CDH7: variants seen among roughly 807,000 people sequenced by gnomAD.
CDH7 encodes the protein cadherin-7.
CDH7 carries 25 observed loss-of-function variants against 71.8 expected under a neutral mutation model. The observed-to-expected ratio is 0.35, with a 90% CI of 0.25 to 0.49. The LOEUF is 0.49. Ranked by LOEUF, CDH7 falls within the 20% of genes least tolerant of loss-of-function variation. The pLI is 0.99. For synonymous variants in CDH7, 381 were observed against 363.8 expected, an observed-to-expected ratio of 1.05 and a Z score of -0.54; for missense variants, 862 against 974.6, an observed-to-expected ratio of 0.88 and a Z score of 1.54.
chr18:65,808,569 C>T (rs1333434128), intron 2 of CDH7, among the ~76,000 whole-genome samples: 1 of 152,104 alleles, frequency 6.6e-6, no homozygotes, highest in Non-Finnish European at 1.5e-5. Flanking sequence ...TAAACATGGC[C>T]GTTACAGTGC....
At chr18:65,788,596 A>G (rs1192499456) in intron 2 of CDH7, among the ~76,000 whole-genome samples, 1 of 152,138 alleles carries the variant, frequency 6.6e-6, no homozygotes, top group Non-Finnish European at 1.5e-5. Context: ...TGCTCAACTA[A>G]TGCATTTGCT....
chr18:65,804,731 TGA>T (rs145972232), intron 2 of CDH7, among the ~76,000 whole-genome samples: 6,079 of 151,956 alleles, frequency 0.04, 151 homozygotes, highest in South Asian at 0.1. Flanking sequence ...TGTGTATTTA[TGA>T]GAGAGAGAAA....
intron 6 of CDH7, among the ~76,000 whole-genome samples, chr18:65,827,195 AAAATT>A (rs1435482067): frequency 2.0e-5 from 3 of 151,838 alleles, no homozygotes; most frequent in African/African-American, 7.2e-5. Flanking sequence ...GTTAGCAACT[AAAATT>A]AAATTTTATT....
intron 2 of CDH7, among the ~76,000 whole-genome samples, chr18:65,789,483 TTG>T (rs1491071722): frequency 6.8e-6 from 1 of 148,042 alleles, no homozygotes; most frequent in Non-Finnish European, 1.5e-5. Flanking sequence ...TTGTTTTTTT[TTG>T]TTTGTTTTTT....
intron 2 of CDH7, among the ~76,000 whole-genome samples, chr18:65,776,003 G>T (rs1909927051): frequency 6.6e-6 from 1 of 152,108 alleles, no homozygotes; most frequent in Non-Finnish European, 1.5e-5. Context: ...AGTTATTTCT[G>T]ATGGAAAGAG....
rs141450577 is a variant in CDH7, at chr18:65,762,968, G to T, written c.126G>T (p.Arg42Ser). The change falls in exon 2 of 12, where the codon AGG becomes AGT. Residue 42 changes from arginine (R) to serine (S), a missense_variant. Physicochemically the swap from Arg to Ser is moderately radical, Grantham distance 110 (BLOSUM62 -1). Transcript: ENST00000397968. ...CAAAGCCCTATTTCCAATCAGGGAG[G>T]TCCCGGACCAAGCGCAGCTGGGTGT... ...SRSKPYFQSG[R>S]SRTKRSWVWN... 1 of 1,613,694 alleles carries T rather than the reference G, an allele frequency of 6.2e-7. No individual in the cohort carries two copies.
intron 2 of CDH7, among the ~76,000 whole-genome samples, chr18:65,768,296 C>T (rs962304511): frequency 6.6e-6 from 1 of 151,582 alleles, no homozygotes; most frequent in African/African-American, 2.4e-5. Context: ...CACGTAGTGA[C>T]GCAATCTCAG....
intron 4 of CDH7, among the ~76,000 whole-genome samples, chr18:65,818,347 T>C (rs961393093): frequency 1.3e-5 from 2 of 152,222 alleles, no homozygotes; most frequent in Non-Finnish European, 2.9e-5. Flanking sequence ...CAGGAGCTCT[T>C]CAAGGGAAAG....
At chr18:65,812,004 C>T (rs1313488443) in intron 3 of CDH7, among the ~76,000 whole-genome samples, 1 of 126,432 alleles carries the variant, frequency 7.9e-6, no homozygotes, top group Non-Finnish European at 1.6e-5. Context: ...GAGTCTCACT[C>T]TGTTGACAGG....
At chr18:65,868,211 C>A (rs2017885) in intron 11 of CDH7, among the ~76,000 whole-genome samples, 1 of 152,130 alleles carries the variant, frequency 6.6e-6, no homozygotes, top group South Asian at 2.1e-4. Flanking sequence ...CTCTTTCAAA[C>A]AAGCATGAGC....
rs1190975107 is a variant in CDH7 at position 65,889,752 on chromosome 18, T to C, written c.*8858T>C. On this transcript the variant is annotated 3_prime_UTR_variant, in exon 12 of 12. Coordinates refer to ENST00000397968, the MANE Select transcript of CDH7 (RefSeq NM_004361.5). ...AGATTGTATATACTATATTAGACAC[T>C]GTGCAAGAAGGAACTTGTGAAGCTA... The C allele has an allele frequency of 1.3e-5, 2 of 152,156 alleles. No individual in the cohort carries two copies. Among genetic ancestry groups the C allele is most frequent in the African/African-American group, 2.4e-5 (1 of 41,428 alleles). The allele number at this position is 152,156 out of a possible 1,614,324, so 9.4% of individuals were successfully genotyped here.
Position 65,880,995 on chromosome 18 carries a change from C to A in CDH7, c.*101C>A. The A allele has an allele frequency of 8.8e-7, 1 of 1,139,020 alleles. No homozygotes were observed. The highest frequency in any genetic ancestry group is 1.2e-6 in the Non-Finnish European group (1 of 825,022). The allele number at this position is 1,139,020 out of a possible 1,614,324, so 70.6% of individuals were successfully genotyped here. A position where few individuals can be genotyped will look rare whatever the true frequency, so the allele number is the denominator to read the frequency against. On this transcript the variant is annotated 3_prime_UTR_variant, in exon 12 of 12. Coordinates refer to ENST00000397968, the MANE Select transcript of CDH7 (RefSeq NM_004361.5). Reference sequence around the variant, plus strand: ...AACCACTACATACAGAAAACAAGAACTCCCCTTGCTGGAGACAGATGGTTG... The same window carrying A: ...AACCACTACATACAGAAAACAAGAAATCCCCTTGCTGGAGACAGATGGTTG...
upstream of CDH7, chr18:65,750,315 T>C (rs1182153808): frequency 2.0e-5 from 3 of 151,928 alleles, no homozygotes; most frequent in Non-Finnish European, 4.4e-5. Context: ...AAGTTCTGAT[T>C]AGTTTTATGA....
In CDH7 at chr18:65,889,742, T is replaced by C. The variant is rs1914458432; in HGVS notation, c.*8848T>C. The C allele has an allele frequency of 6.6e-6, 1 of 152,220 alleles. No homozygotes were observed. Among genetic ancestry groups the C allele is most frequent in the African/African-American group, 2.4e-5 (1 of 41,462 alleles). The allele number at this position is 152,220 out of a possible 1,614,324, so 9.4% of individuals were successfully genotyped here. ...AGTACTATGGAGATTGTATATACTA[T>C]ATTAGACACTGTGCAAGAAGGAACT... On this transcript the variant is annotated 3_prime_UTR_variant, in exon 12 of 12. Transcript: ENST00000397968.
chr18:65,881,580 T>A lies in CDH7; in HGVS notation c.*686T>A, dbSNP rs1311918116. 2.0e-5 allele frequency: 3 copies of A among 152,140 alleles called. No homozygotes were observed. Among genetic ancestry groups the A allele is most frequent in the African/African-American group, 7.2e-5 (3 of 41,426 alleles). 9.4% of individuals were successfully genotyped at this position (152,140 alleles called of 1,614,324 possible). A position where few individuals can be genotyped will look rare whatever the true frequency, so the allele number is the denominator to read the frequency against. On this transcript the variant is annotated 3_prime_UTR_variant, in exon 12 of 12. Coordinates refer to ENST00000397968, the MANE Select transcript of CDH7 (RefSeq NM_004361.5). ...AAGAAAAAGGTAAATAATTTGATAG[T>A]TTTGAGATGCTTGTGTAGGTATGAT...
At chr18:65,839,837 C>T (rs1912663803) in intron 6 of CDH7, among the ~76,000 whole-genome samples, 1 of 152,098 alleles carries the variant, frequency 6.6e-6, no homozygotes, top group Non-Finnish European at 1.5e-5. Context: ...TCACTGAAGG[C>T]CATGAATGTT....
chr18:65,876,104 T>C (rs754803035), intron 11 of CDH7, among the ~76,000 whole-genome samples: 1 of 152,194 alleles, frequency 6.6e-6, no homozygotes. Context: ...TTACAGTGAA[T>C]TGCACTAAGA....
chr18:65,842,714 G>A (rs919162209), intron 6 of CDH7, among the ~76,000 whole-genome samples: 8 of 151,902 alleles, frequency 5.3e-5, no homozygotes, highest in African/African-American at 1.9e-4. Context: ...ATATACACAC[G>A]TATGCCCAAA....
chr18:65,834,767 C>A (rs1255510374), intron 6 of CDH7, among the ~76,000 whole-genome samples: 1 of 152,156 alleles, frequency 6.6e-6, no homozygotes, highest in Non-Finnish European at 1.5e-5. Flanking sequence ...ATGTCGAGAT[C>A]TGACTTCTTC....
Sources: gnomAD v4.1 joint callset for allele counts (sites outside exome capture counted in the v4.1 genomes callset) on GRCh38, gnomAD v4.1.1 for gene constraint, MANE v1.5 for transcripts, NCBI Gene and HGNC (gene_info 2026-07-23, HGNC 2026-07-21) for gene names.